TYW1: variants seen among roughly 807,000 people sequenced by gnomAD.
TYW1 encodes S-adenosyl-L-methionine-dependent tRNA 4-demethylwyosine synthase TYW1.
In TYW1, 46 loss-of-function variants were observed where a neutral mutation model predicts 96.2. That is an observed-to-expected ratio of 0.48 (90% CI 0.38 to 0.61). The LOEUF is 0.61. Ranked by LOEUF, TYW1 falls within the 20% of genes least tolerant of loss-of-function variation. The probability of loss-of-function intolerance (pLI) is 0.00; values close to 1 mark genes in which losing one functional copy is unlikely to be tolerated. For synonymous variants in TYW1, 274 were observed against 323.0 expected (o/e 0.85, Z 1.63); for missense variants, 684 against 909.6 (o/e 0.75, Z 3.19).
At chr7:67,161,538 T>C (rs17681015) in intron 13 of TYW1, among the ~76,000 whole-genome samples, 5,034 of 152,304 alleles carry the variant, frequency 0.033, 282 homozygotes, top group East Asian at 0.16. Context: ...AACGGGCAGC[T>C]AGGTCCAATT....
At chr7:67,154,742 T>C (rs1393063872) in intron 13 of TYW1, among the ~76,000 whole-genome samples, 2 of 152,162 alleles carry the variant, frequency 1.3e-5, no homozygotes, top group Non-Finnish European at 2.9e-5. Flanking sequence ...CTTGGAGAAA[T>C]TTTAAACTAT....
Position 67,138,625 on chromosome 7 carries a change from C to T in TYW1, c.1698+21007C>T, listed in dbSNP as rs112601055. On this transcript the variant is annotated intron_variant, in intron 13 of 15. Transcript: ENST00000359626. The stretch of plus-strand genomic sequence containing the variant: ...ACCATCCCACCTTCCTCCCAACACC[C>T]CCACTACCCTTCCCAGCCTCTGGTA... 7.1e-3 allele frequency among the ~76,000 whole-genome samples: 1,079 copies of T among 152,076 alleles called. 10 individuals are homozygous for T. Among genetic ancestry groups the T allele is most frequent in the African/African-American group, 0.021 (860 of 41,420 alleles).
At chr7:67,170,055 C>T (rs1042992057) in intron 13 of TYW1, among the ~76,000 whole-genome samples, 6 of 152,102 alleles carry the variant, frequency 3.9e-5, no homozygotes, top group Non-Finnish European at 7.4e-5. Context: ...CAGAGATTTA[C>T]CTTATGTTTT....
chr7:67,209,723 C>T (rs1481740073), intron 15 of TYW1, among the ~76,000 whole-genome samples: 1 of 152,130 alleles, frequency 6.6e-6, no homozygotes, highest in Non-Finnish European at 1.5e-5. Flanking sequence ...CAAGCGCACG[C>T]CACCACGCCC....
At chr7:67,204,096 G>T (rs1584691872) in intron 15 of TYW1, among the ~76,000 whole-genome samples, 1 of 85,598 alleles carries the variant, frequency 1.2e-5, no homozygotes, top group African/African-American at 5.0e-5. Flanking sequence ...ATTTCTTTGG[G>T]TCTGTTGTTT....
chr7:67,213,658 T>A (rs1462561567), intron 15 of TYW1, among the ~76,000 whole-genome samples: 1 of 152,226 alleles, frequency 6.6e-6, no homozygotes, highest in Non-Finnish European at 1.5e-5. Flanking sequence ...AAGTTTTATG[T>A]TTTATGGTTA....
At chr7:67,199,655 G>A (rs751395414) in intron 15 of TYW1, among the ~76,000 whole-genome samples, 4 of 152,052 alleles carry the variant, frequency 2.6e-5, no homozygotes, top group Admixed American at 6.6e-5. Context: ...TTATCAGTAC[G>A]GACTCAGGAA....
intron 13 of TYW1, among the ~76,000 whole-genome samples, chr7:67,180,569 T>C (rs1195338073): frequency 1.3e-5 from 2 of 151,222 alleles, no homozygotes; most frequent in Admixed American, 6.6e-5. Flanking sequence ...GATTATAACT[T>C]GTAGAAAAGT....
chr7:67,194,233 G>A (rs572883283), intron 14 of TYW1, among the ~76,000 whole-genome samples: 14 of 152,072 alleles, frequency 9.2e-5, no homozygotes, highest in Non-Finnish European at 1.8e-4. Context: ...ATGTAGTTGT[G>A]TGTAAAGGTA....
intron 15 of TYW1, among the ~76,000 whole-genome samples, chr7:67,227,379 C>T (rs1461547929): frequency 6.6e-6 from 1 of 152,184 alleles, no homozygotes; most frequent in Admixed American, 6.5e-5. Context: ...GCCTCAGCCT[C>T]CTACGTAGCT....
chr7:67,161,509 T>A (rs1430856450), intron 13 of TYW1, among the ~76,000 whole-genome samples: 1 of 152,200 alleles, frequency 6.6e-6, no homozygotes, highest in African/African-American at 2.4e-5. Context: ...GGTGTTATTT[T>A]TGCATGCCTG....
intron 11 of TYW1, among the ~76,000 whole-genome samples, chr7:67,089,066 A>G (rs1340998900): frequency 6.6e-6 from 1 of 152,148 alleles, no homozygotes; most frequent in Admixed American, 6.5e-5. Context: ...TTAGCTCATT[A>G]ATTATTATTA....
chr7:67,118,531 A>G (rs1003785171), intron 13 of TYW1, among the ~76,000 whole-genome samples: 30 of 151,822 alleles, frequency 2.0e-4, no homozygotes, highest in African/African-American at 6.8e-4. Context: ...TTTTTCATCC[A>G]TGGTTGGTTG....
chr7:67,096,283 G>A (rs1004707749), intron 11 of TYW1, among the ~76,000 whole-genome samples: 1 of 152,100 alleles, frequency 6.6e-6, no homozygotes, highest in Non-Finnish European at 1.5e-5. Context: ...CCAGCTACTC[G>A]GGAGGCTGAG....
At chr7:67,180,424 A>T (rs192838282) in intron 13 of TYW1, among the ~76,000 whole-genome samples, 8,231 of 81,222 alleles carry the variant, frequency 0.1, 898 homozygotes, top group Admixed American at 0.23. Context: ...ATATATATAT[A>T]ATTTTTTTTT....
chr7:67,056,613 A>G (rs1471905539), intron 9 of TYW1, among the ~76,000 whole-genome samples: 1 of 152,084 alleles, frequency 6.6e-6, no homozygotes, highest in African/African-American at 2.4e-5. Context: ...TGTAACATGC[A>G]TCAGTAGTTC....
At chr7:67,181,265 C>CT (rs1382924705) in intron 13 of TYW1, among the ~76,000 whole-genome samples, 2 of 151,998 alleles carry the variant, frequency 1.3e-5, no homozygotes, top group African/African-American at 4.8e-5. Flanking sequence ...GCTAAAATTT[C>CT]TATAAGATTT....
intron 13 of TYW1, among the ~76,000 whole-genome samples, chr7:67,127,958 T>C (rs572276436): frequency 4.6e-5 from 7 of 152,256 alleles, no homozygotes; most frequent in African/African-American, 1.4e-4. Flanking sequence ...TCCCTCTGTC[T>C]TCTTTCTGGA....
At chr7:67,100,178 G>C (rs983297531) in intron 12 of TYW1, among the ~76,000 whole-genome samples, 4 of 152,108 alleles carry the variant, frequency 2.6e-5, no homozygotes, top group African/African-American at 9.7e-5. Flanking sequence ...GAAGGGTCAG[G>C]TTTAGGTGGT....
Sources: gnomAD v4.1 joint callset for allele counts (sites outside exome capture counted in the v4.1 genomes callset) on GRCh38, gnomAD v4.1.1 for gene constraint, MANE v1.5 for transcripts, NCBI Gene and HGNC (gene_info 2026-07-23, HGNC 2026-07-21) for gene names.